Variants in NAA15 observed in about 807,000 individuals in gnomAD.
The protein encoded by NAA15 is N-terminal acetyltransferase.
In NAA15, 34 loss-of-function variants were observed where a neutral mutation model predicts 114.0. The observed-to-expected ratio is 0.30, with a 90% CI of 0.23 to 0.40. The LOEUF (loss-of-function observed/expected upper bound fraction) is 0.40. NAA15 is among the 10% of genes least tolerant of loss of function. The pLI is 1.00. For missense variants in NAA15, 658 were observed against 1,004.5 expected (o/e 0.66, Z 4.66); for synonymous variants, 340 against 338.0 (o/e 1.01, Z -0.06).
chr4:139,372,002 G>A (rs895377826), intron 15 of NAA15, among the ~76,000 whole-genome samples: 1 of 152,064 alleles, frequency 6.6e-6, no homozygotes, highest in South Asian at 2.1e-4. Context: ...TGCAAGCTCC[G>A]CCTCCCAGGT....
intron 1 of NAA15, among the ~76,000 whole-genome samples, chr4:139,306,906 T>G (rs1275385489): frequency 1.3e-5 from 2 of 152,232 alleles, no homozygotes; most frequent in African/African-American, 4.8e-5. Flanking sequence ...TGCTGCTTCC[T>G]TCTCTCTTTT....
chr4:139,324,344 G>C (rs1746719147), intron 1 of NAA15, among the ~76,000 whole-genome samples: 1 of 152,168 alleles, frequency 6.6e-6, no homozygotes, highest in Non-Finnish European at 1.5e-5. Flanking sequence ...GGTGTTACAG[G>C]TAGGAGGACA....
rs1242020709 is a variant in NAA15, at chr4:139,355,981, A to AT, written c.1088-1399dup. Among the ~76,000 whole-genome samples the AT allele has an allele frequency of 3.9e-5, 6 of 152,236 alleles. No homozygotes were observed. In the South Asian group the frequency reaches 6.2e-4, roughly 16 times the overall value. On this transcript the variant is annotated intron_variant, in intron 10 of 19. Transcript: ENST00000296543. Reference sequence around the variant, plus strand: ...TACATAGGAAAAGCATGATAAATGGATTTTTTCTCCCCACTCCCTCCTTTT... The same window carrying AT: ...TACATAGGAAAAGCATGATAAATGGATTTTTTTCTCCCCACTCCCTCCTTTT...
intron 18 of NAA15, among the ~76,000 whole-genome samples, chr4:139,385,695 C>T (rs1292254178): frequency 6.6e-6 from 1 of 152,124 alleles, no homozygotes; most frequent in Admixed American, 6.5e-5. Flanking sequence ...AGCCCAGCAG[C>T]TTTGTATACC....
chr4:139,384,702 C>G (rs1748846804), intron 17 of NAA15, 130 bp from the exon 18 acceptor site: 2 of 504,382 alleles, frequency 4.0e-6, no homozygotes, highest in Admixed American at 9.1e-5. Context: ...CTACAGTGAG[C>G]CATGGTTGTG....
chr4:139,311,166 TCTTA>T lies in NAA15; in HGVS notation c.54+9339_54+9342del, dbSNP rs143377277. 8.6e-3 allele frequency among the ~76,000 whole-genome samples: 1,309 copies of T among 152,044 alleles called. 41 individuals carry two copies. The highest frequency in any genetic ancestry group is 0.03 in the African/African-American group (1,254 of 41,404). ...GTCCTTCTCACCTTATTTTCTTATT[TCTTA>T]CTTTATTCTCATTTATCAGCTTCTG... On this transcript the variant is annotated intron_variant, in intron 1 of 19. Coordinates refer to ENST00000296543, the MANE Select transcript of NAA15 (RefSeq NM_057175.5).
In NAA15 at chr4:139,375,271, T is replaced by C. The variant is rs1266986453; in HGVS notation, c.1948-1094T>C. Among the ~76,000 whole-genome samples, 21 of 152,180 alleles carry C rather than the reference T, an allele frequency of 1.4e-4. 1 individual carries two copies. Among genetic ancestry groups the C allele is most frequent in the Admixed American group, 1.4e-3 (21 of 15,286 alleles). The stretch of plus-strand genomic sequence containing the variant: ...CTCTTGGTTCCTGAATCCACAGTTA[T>C]TAGAGTGGCAGAGCCATATATTAAT... On this transcript the variant is annotated intron_variant, in intron 15 of 19. Coordinates refer to ENST00000296543, the MANE Select transcript of NAA15 (RefSeq NM_057175.5).
At chr4:139,308,187 T>A (rs556127209) in intron 1 of NAA15, among the ~76,000 whole-genome samples, 2 of 152,236 alleles carry the variant, frequency 1.3e-5, no homozygotes, top group East Asian at 3.9e-4. Context: ...GGTCTCGATC[T>A]CCTGACCTCC....
chr4:139,306,911 T>C (rs1166500616), intron 1 of NAA15, among the ~76,000 whole-genome samples: 3 of 152,216 alleles, frequency 2.0e-5, no homozygotes, highest in African/African-American at 7.2e-5. Flanking sequence ...CTTCCTTCTC[T>C]CTTTTTTGCT....
intron 15 of NAA15, 126 bp from the exon 16 acceptor site, chr4:139,376,239 T>C: frequency 1.6e-6 from 1 of 610,658 alleles, no homozygotes; most frequent in Non-Finnish European, 2.8e-6. Flanking sequence ...GGTTAAAATA[T>C]GACAGTGTTT....
chr4:139,361,574 A>T, intron 13 of NAA15, 150 bp from the exon 14 acceptor site: 1 of 566,106 alleles, frequency 1.8e-6, no homozygotes, highest in Non-Finnish European at 3.0e-6. Flanking sequence ...TTGAAATGCA[A>T]AATATTCCTG....
At chr4:139,315,046 G>GTCAGGTCAGGTCAGT (rs1746357424) in intron 1 of NAA15, among the ~76,000 whole-genome samples, 1 of 92,606 alleles carries the variant, frequency 1.1e-5, no homozygotes, top group African/African-American at 3.8e-5. Flanking sequence ...GTTAGGTTAG[G>GTCAGGTCAGGTCAGT]TTAGGTTAGT....
chr4:139,361,282 CATTGCATAGG>C (rs1748124364), intron 13 of NAA15, among the ~76,000 whole-genome samples: 1 of 152,118 alleles, frequency 6.6e-6, no homozygotes, highest in Admixed American at 6.5e-5. Flanking sequence ...ACCAGCATCA[CATTGCATAGG>C]ATTCAGATTT....
At chr4:139,354,873 A>G (rs1747893912) in intron 10 of NAA15, among the ~76,000 whole-genome samples, 1 of 152,150 alleles carries the variant, frequency 6.6e-6, no homozygotes, top group South Asian at 2.1e-4. Context: ...CTCATACCTG[A>G]AAATTAATAT....
Position 139,359,747 on chromosome 4 carries a change from C to T in NAA15, c.1262C>T (p.Ala421Val). Reference protein sequence around the residue: ...FLVKAKIYKHAGNIKEAARWM... With the variant: ...FLVKAKIYKHVGNIKEAARWM... ...TTTGCTTTTGTACCTTATAAGCATG[C>T]TGGAAATATTAAAGAAGCTGCAAGG... The change falls in exon 12 of 20, where the codon GCT becomes GTT. Residue 421 changes from alanine (A) to valine (V), a missense_variant. Around this residue, in one of 6 missense-constraint regions of NAA15, gnomAD observed 281 missense variants for 389.1 expected, o/e 0.72. Coordinates refer to ENST00000296543, the MANE Select transcript of NAA15 (RefSeq NM_057175.5). 1 of 1,600,418 alleles carries T rather than the reference C, an allele frequency of 6.2e-7. No homozygotes were observed. Among genetic ancestry groups the T allele is most frequent in the South Asian group, 1.1e-5 (1 of 87,698 alleles).
At chr4:139,374,778 CAG>C (rs1181313596) in intron 15 of NAA15, among the ~76,000 whole-genome samples, 1 of 152,068 alleles carries the variant, frequency 6.6e-6, no homozygotes, top group Non-Finnish European at 1.5e-5. Flanking sequence ...GAGAAGTAAA[CAG>C]AGACTGAGAC....
Position 139,361,772 on chromosome 4 carries a change from A to G in NAA15, c.1588A>G (p.Met530Val). The stretch of plus-strand genomic sequence containing the variant: ...CCAGTTTGACTTTCATACATACTGT[A>G]TGAGGAAGATTACCCTTAGATCATA... ...DDQFDFHTYC[M>V]RKITLRSYVD... Residue 530 changes from methionine to valine, a missense_variant, in exon 14 of 20, where the codon ATG becomes GTG. Coordinates refer to ENST00000296543, the MANE Select transcript of NAA15 (RefSeq NM_057175.5). The G allele has an allele frequency of 6.2e-7, 1 of 1,612,666 alleles. No homozygotes were observed. Among genetic ancestry groups the G allele is most frequent in the Non-Finnish European group, 8.5e-7 (1 of 1,179,040 alleles).
At chr4:139,330,971 C>G (rs1746981740) in intron 1 of NAA15, among the ~76,000 whole-genome samples, 1 of 152,144 alleles carries the variant, frequency 6.6e-6, no homozygotes, top group African/African-American at 2.4e-5. Flanking sequence ...TTTGTCATCA[C>G]TTGCATTAAC....
chr4:139,339,054 A>T (rs982176481), intron 3 of NAA15, among the ~76,000 whole-genome samples: 5 of 151,616 alleles, frequency 3.3e-5, no homozygotes, highest in African/African-American at 1.2e-4. Context: ...GAAGTGATCC[A>T]CCTACCACTG....
Sources: allele counts gnomAD v4.1 joint callset (sites outside exome capture counted in the v4.1 genomes callset), GRCh38; gene constraint gnomAD v4.1.1; regional missense constraint gnomAD v4.1.1; transcripts MANE v1.5; gene names NCBI Gene and HGNC (gene_info 2026-07-23, HGNC 2026-07-21).